The following CLPTM1L variants were observed in gnomAD, a reference collection of about 807,000 sequenced individuals.
The protein encoded by CLPTM1L is CLPTM1 like.
In CLPTM1L, 38 loss-of-function variants were observed where a neutral mutation model predicts 70.9. The ratio of observed to expected loss-of-function variants is 0.54; its 90% CI spans 0.41 to 0.70. The LOEUF is 0.70. CLPTM1L is among the 30% of genes least tolerant of loss of function. CLPTM1L has a pLI of 0.00. For missense variants in CLPTM1L, 652 were observed against 705.9 expected, an observed-to-expected ratio of 0.92 and a Z score of 0.87; for synonymous variants, 339 against 299.9, an observed-to-expected ratio of 1.13 and a Z score of -1.35.
At chr5:1,325,152 G>A (rs945934411) in intron 10 of CLPTM1L, 41 of 380,074 alleles carry the variant, frequency 1.1e-4, no homozygotes, top group African/African-American at 6.5e-4. Flanking sequence ...CCAGCCGGCC[G>A]GGAGCCATGG....
rs1170551184 is a variant in CLPTM1L, at chr5:1,341,690, G to C, written c.434C>G (p.Thr145Ser). The change falls in exon 3 of 17, where the codon ACC becomes AGC. Residue 145 changes from threonine to serine, a missense_variant. By Grantham distance (58) the Thr-to-Ser change is moderately conservative. This residue lies in a region of CLPTM1L where 402 missense variants were observed against 388.2 expected (regional missense o/e 1.04). Transcript: ENST00000320895. Reference protein sequence around the residue: ...VPKPEEINLLTGESDTQQIEA... With the variant: ...VPKPEEINLLSGESDTQQIEA... ...CCTCACCTGTGTATCAGACTCCCCG[G>C]TGAGCAGGTTGATTTCTTCTGGCTT... The C allele has an allele frequency of 3.1e-6, 5 of 1,610,198 alleles. No individual in the cohort carries two copies. The highest frequency in any genetic ancestry group is 4.2e-6 in the Non-Finnish European group (5 of 1,176,906).
chr5:1,336,822 G>C (rs1457504785), intron 5 of CLPTM1L, among the ~76,000 whole-genome samples: 2 of 152,222 alleles, frequency 1.3e-5, no homozygotes, highest in Admixed American at 1.3e-4. Context: ...GTTAGGGACT[G>C]CAAGGGGTCT....
At chr5:1,340,065 ACT>A (rs1233521188) in intron 3 of CLPTM1L, among the ~76,000 whole-genome samples, 2 of 152,208 alleles carry the variant, frequency 1.3e-5, no homozygotes, top group African/African-American at 4.8e-5. Context: ...ATTCCGCCAG[ACT>A]CTCGCCAAAC....
chr5:1,333,063 TAAG>T (rs1753227514), intron 7 of CLPTM1L, among the ~76,000 whole-genome samples: 1 of 93,996 alleles, frequency 1.1e-5, no homozygotes, highest in Non-Finnish European at 2.0e-5. Context: ...CGGATGAGGA[TAAG>T]GGGGGACTAC....
chr5:1,323,853 G>A lies in CLPTM1L; in HGVS notation c.1214C>T (p.Ser405Leu), dbSNP rs1752339563. ...EYDTQAMKYLSYLLYPLCVGG... is the reference protein window; with the variant it reads ...EYDTQAMKYLLYLLYPLCVGG... ...GACACAGAGAGGGTACAGCAGGTAT[G>A]ACAAGTACTTCATGGCCTGCAGGGA... Residue 405 changes from serine to leucine, a missense_variant, in exon 12 of 17, where the codon TCA becomes TTA. Ser to Leu is a moderately radical substitution (Grantham distance 145, BLOSUM62 -2). Coordinates refer to ENST00000320895, the MANE Select transcript of CLPTM1L (RefSeq NM_030782.5). The A allele has an allele frequency of 1.9e-6, 3 of 1,613,578 alleles. No homozygotes were observed. The highest frequency in any genetic ancestry group is 2.5e-6 in the Non-Finnish European group (3 of 1,179,772).
rs780989726 is a variant in CLPTM1L at position 1,321,803 on chromosome 5, A to G, written c.1332T>C (p.Gly444=). The part of the protein sequence containing the change: ...NSFVNGVYAF[G]FLFMLPQLFV... ...AGAGCTGGGGCAGCATGAAGAGGAAACCAAAGGCATAGACCCCTGCAGAAA... is the reference window on the plus strand; with the variant it reads ...AGAGCTGGGGCAGCATGAAGAGGAAGCCAAAGGCATAGACCCCTGCAGAAA... The change falls in exon 14 of 17, where the codon GGT becomes GGC. Residue 444 remains glycine, a synonymous_variant. Coordinates refer to ENST00000320895, the MANE Select transcript of CLPTM1L (RefSeq NM_030782.5). 1 of 1,614,032 alleles carries G rather than the reference A, an allele frequency of 6.2e-7. No homozygotes were observed. The highest frequency in any genetic ancestry group is 8.5e-7 in the Non-Finnish European group (1 of 1,179,974).
rs28601715 is a variant in CLPTM1L at position 1,333,215 on chromosome 5, G to T, written c.891+1074C>A. 8.4e-3 allele frequency among the ~76,000 whole-genome samples: 132 copies of T among 15,742 alleles called. 2 individuals are homozygous for T. Among genetic ancestry groups the T allele is most frequent in the Admixed American group, 0.012 (18 of 1,532 alleles). 10.3% of individuals were successfully genotyped at this position (15,742 alleles called of 152,430 possible). A position where few individuals can be genotyped will look rare whatever the true frequency, so the allele number is the denominator to read the frequency against. ...ATGAGGATAAGGGGGGACTACTGTAGACACACCGGATAAGGGGGGACTACT... is the reference window on the plus strand; with the variant it reads ...ATGAGGATAAGGGGGGACTACTGTATACACACCGGATAAGGGGGGACTACT... On this transcript the variant is annotated intron_variant, in intron 7 of 16. Coordinates refer to ENST00000320895, the MANE Select transcript of CLPTM1L (RefSeq NM_030782.5).
At chr5:1,332,713 G>A (rs914848833) in intron 7 of CLPTM1L, among the ~76,000 whole-genome samples, 8 of 152,224 alleles carry the variant, frequency 5.3e-5, no homozygotes, top group Non-Finnish European at 8.8e-5. Context: ...CCACACCCAC[G>A]TAACTTTATC....
chr5:1,323,015 C>G, intron 12 of CLPTM1L, 104 bp from the exon 13 acceptor site: 2 of 1,159,846 alleles, frequency 1.7e-6, no homozygotes, highest in Non-Finnish European at 2.6e-6. Context: ...TGAAAATACC[C>G]AGATGCTCTC....
intron 10 of CLPTM1L, chr5:1,325,020 A>C (rs1380692030): frequency 5.0e-6 from 3 of 603,312 alleles, no homozygotes; most frequent in East Asian, 5.5e-5. Context: ...CCTGGGTCCC[A>C]CAAGCCTGAT....
rs1025608992 is a variant in CLPTM1L, at chr5:1,318,863, C to T, written c.1533-410G>A. 3.3e-4 allele frequency among the ~76,000 whole-genome samples: 50 copies of T among 152,290 alleles called. No homozygotes were observed. The Middle Eastern group carries it at 0.01, about 31-fold the overall frequency. ...TGAACACTTGGCAGGACACTGCCGCCGCCTTTGATCCTGAGCGCCCCGGAG... is the reference window on the plus strand; with the variant it reads ...TGAACACTTGGCAGGACACTGCCGCTGCCTTTGATCCTGAGCGCCCCGGAG... On this transcript the variant is annotated intron_variant, in intron 16 of 16. Coordinates refer to ENST00000320895, the MANE Select transcript of CLPTM1L (RefSeq NM_030782.5). This position sits in a 1 kb window ranked among gnomAD's most constrained non-coding sequence, Gnocchi z 8.9.
In CLPTM1L at chr5:1,342,043, C is replaced by CGT. The variant is rs1200486217; in HGVS notation, c.264-184_264-183insAC. ...GTGTGTGTGTGTGTGTGTGTGTGCA[C>CGT]GCGCACGCGTGCGCGTCCTGAGAAC... On this transcript the variant is annotated intron_variant, in intron 2 of 16. Coordinates refer to ENST00000320895, the MANE Select transcript of CLPTM1L (RefSeq NM_030782.5). This position sits in a 1 kb window ranked among gnomAD's most constrained non-coding sequence, Gnocchi z 4.3. Among the ~76,000 whole-genome samples, 5 of 117,020 alleles carry CGT rather than the reference C, an allele frequency of 4.3e-5. No individual in the cohort carries two copies. The highest frequency in any genetic ancestry group is 6.9e-5 in the Non-Finnish European group (4 of 58,152). 76.8% of individuals were successfully genotyped at this position (117,020 alleles called of 152,430 possible).
At chr5:1,337,320 T>A (rs1269783731) in intron 5 of CLPTM1L, among the ~76,000 whole-genome samples, 1 of 152,210 alleles carries the variant, frequency 6.6e-6, no homozygotes, top group African/African-American at 2.4e-5. Context: ...CCACATTTCA[T>A]CTCCTCTCAA....
rs1037168158 is a variant in CLPTM1L, at chr5:1,318,268, G to C, written c.*101C>G. On this transcript the variant is annotated 3_prime_UTR_variant, in exon 17 of 17. Coordinates refer to ENST00000320895, the MANE Select transcript of CLPTM1L (RefSeq NM_030782.5). This position sits in a 1 kb window ranked among gnomAD's most constrained non-coding sequence, Gnocchi z 8.9. ...CTGAGAAATGTCCGAAGGGATTTTGGCAACACAGAAAACGCAATGTCTAGG... is the reference window on the plus strand; with the variant it reads ...CTGAGAAATGTCCGAAGGGATTTTGCCAACACAGAAAACGCAATGTCTAGG... 6.4e-6 allele frequency: 6 copies of C among 931,258 alleles called. No homozygotes were observed. In the Admixed American group the frequency reaches 1.2e-4, roughly 19 times the overall value. The allele number at this position is 931,258 out of a possible 1,614,324, so 57.7% of individuals were successfully genotyped here. A position where few individuals can be genotyped will look rare whatever the true frequency, so the allele number is the denominator to read the frequency against.
At position 1,337,914 on chromosome 5, in the gene CLPTM1L, T is replaced by C. The variant is rs1753682173; in HGVS notation, c.668A>G (p.Lys223Arg). 6.2e-7 allele frequency: 1 copy of C among 1,600,164 alleles called. No homozygotes were observed. The highest frequency in any genetic ancestry group is 1.3e-5 in the African/African-American group (1 of 74,872). Reference sequence around the variant, plus strand: ...AGAGGTGTCACTCACCATCAGGTCCTTCACGCGGTTGCTGAGCTGGTCGAT... The same window carrying C: ...AGAGGTGTCACTCACCATCAGGTCCCTCACGCGGTTGCTGAGCTGGTCGAT... ...LFIDQLSNRV[K>R]DLMVINRSTT... The change falls in exon 5 of 17, where the codon AAG (lysine) becomes AGG (arginine). Residue 223 changes from lysine to arginine, a missense_variant. This residue lies in a region of CLPTM1L where 402 missense variants were observed against 388.2 expected (regional missense o/e 1.04). Coordinates refer to ENST00000320895, the MANE Select transcript of CLPTM1L (RefSeq NM_030782.5).
rs1407777086 is a variant in CLPTM1L, at chr5:1,330,363, T to C, written c.997A>G (p.Thr333Ala). The change falls in exon 9 of 17, where the codon ACC becomes GCC. Residue 333 changes from threonine to alanine, a missense_variant. Coordinates refer to ENST00000320895, the MANE Select transcript of CLPTM1L (RefSeq NM_030782.5). ...AGCAGGAACAGAAAGATGACCACGG[T>C]GCTGAAGCAGCGCCAGAGCACTGGG... ...TKAVLWRCFS[T>A]VVIFLFLLDE... The C allele has an allele frequency of 1.2e-6, 2 of 1,612,758 alleles. No homozygotes were observed. Among genetic ancestry groups the C allele is most frequent in the Non-Finnish European group, 1.7e-6 (2 of 1,179,948 alleles).
At chr5:1,332,024 G>C (rs899277649) in intron 7 of CLPTM1L, 141 bp from the exon 8 acceptor site, 5 of 706,268 alleles carry the variant, frequency 7.1e-6, no homozygotes, top group Admixed American at 2.2e-5. Context: ...GTCTACACTC[G>C]GGACCCATGC....
At chr5:1,324,699 G>T (rs1262687752) in intron 11 of CLPTM1L, 64 bp downstream of exon 11, 32 of 1,426,294 alleles carry the variant, frequency 2.2e-5, no homozygotes, top group Admixed American at 3.3e-5. Flanking sequence ...GACAGTAAAA[G>T]ACCCGTCTTT....
At position 1,318,287 on chromosome 5, in the gene CLPTM1L, G is replaced by T; in HGVS notation, c.*82C>A. ...ATTTTGGCAACACAGAAAACGCAAT[G>T]TCTAGGAATTCCTCCAAATGCTTCC... On this transcript the variant is annotated 3_prime_UTR_variant, in exon 17 of 17. Coordinates refer to ENST00000320895, the MANE Select transcript of CLPTM1L (RefSeq NM_030782.5). The surrounding 1 kb of genome is among the most constrained non-coding windows in gnomAD (Gnocchi z 8.9). 2 of 1,151,322 alleles carry T rather than the reference G, an allele frequency of 1.7e-6. No homozygotes were observed. Among genetic ancestry groups the T allele is most frequent in the Non-Finnish European group, 2.6e-6 (2 of 768,618 alleles). The allele number at this position is 1,151,322 out of a possible 1,614,324, so 71.3% of individuals were successfully genotyped here. A position where few individuals can be genotyped will look rare whatever the true frequency, so the allele number is the denominator to read the frequency against.
Sources: gnomAD v4.1 joint callset for allele counts (sites outside exome capture counted in the v4.1 genomes callset) on GRCh38, gnomAD v4.1.1 for gene constraint, gnomAD v4.1.1 regional missense constraint, Gnocchi (gnomAD v3.1) non-coding constraint, MANE v1.5 for transcripts, NCBI Gene and HGNC (gene_info 2026-07-23, HGNC 2026-07-21) for gene names.